The following UGT1A10 variants were observed in gnomAD, a reference collection of about 807,000 sequenced individuals.
UGT1A10 encodes UDP glucuronosyltransferase family 1 member A10, also known as UDP-glucuronosyltransferase 1A10.
A neutral mutation model predicts 45.8 loss-of-function variants in UGT1A10; 49 were observed. The observed-to-expected ratio is 1.07, with a 90% CI of 0.85 to 1.36. The LOEUF is 1.36. Ranked by LOEUF, UGT1A10 falls within the 40% of genes most tolerant of loss-of-function variation. The pLI, the probability that UGT1A10 is intolerant of heterozygous loss-of-function variation, is 0.00. For synonymous variants in UGT1A10, 284 were observed against 249.7 expected (o/e 1.14, Z -1.29); for missense variants, 745 against 668.6 (o/e 1.11, Z -1.26).
chr2:233,666,496 G>T (rs1304829652), intron 1 of UGT1A10, among the ~76,000 whole-genome samples: 1 of 151,926 alleles, frequency 6.6e-6, no homozygotes, highest in Non-Finnish European at 1.5e-5. Flanking sequence ...ACCTTCTTGG[G>T]TTATTCTCTG....
At chr2:233,718,693 G>A in intron 1 of UGT1A10, 3 of 1,590,692 alleles carry the variant, frequency 1.9e-6, no homozygotes. Context: ...ACTGGAGGAG[G>A]GCACTTTGTC....
At chr2:233,650,988 A>T (rs1317929807) in intron 1 of UGT1A10, among the ~76,000 whole-genome samples, 1 of 152,202 alleles carries the variant, frequency 6.6e-6, no homozygotes, top group Admixed American at 6.5e-5. Flanking sequence ...TGTCTCACAC[A>T]TCGGCAGCTG....
At chr2:233,713,179 T>G in intron 1 of UGT1A10, 1 of 1,614,174 alleles carries the variant, frequency 6.2e-7, no homozygotes, top group Middle Eastern at 1.6e-4. Flanking sequence ...GTCCTCACCC[T>G]GGAGGTGAAT....
At position 233,767,811 on chromosome 2, in the gene UGT1A10, G is replaced by C. The variant is rs887887266; in HGVS notation, c.988-38G>C. 1.2e-5 allele frequency: 19 copies of C among 1,614,006 alleles called. No individual in the cohort carries two copies. In the Admixed American group the frequency reaches 2.8e-4, roughly 24 times the overall value. On this transcript the variant is annotated intron_variant, in intron 2 of 4. Coordinates refer to ENST00000344644, the MANE Select transcript of UGT1A10 (RefSeq NM_019075.4). ...CAGATTTGTTTTCTAATCATATTAT[G>C]TTCTTTCTTTACGTTCTGCTCTTTT...
intron 1 of UGT1A10, among the ~76,000 whole-genome samples, chr2:233,737,855 A>G (rs577176217): frequency 2.6e-5 from 4 of 152,218 alleles, no homozygotes; most frequent in East Asian, 1.9e-4. Context: ...CACTCTTGCT[A>G]TGCCCCTTAA....
intron 1 of UGT1A10, among the ~76,000 whole-genome samples, chr2:233,687,872 CACTCCAG>C (rs1469681060): frequency 5.9e-5 from 9 of 152,200 alleles, no homozygotes; most frequent in African/African-American, 2.2e-4. Context: ...TATTCCACTC[CACTCCAG>C]CCTGGGTGAT....
At chr2:233,723,516 C>CTTTTTTTTTTTTTTTTTTTTTATTTTT (rs1162916866) in intron 1 of UGT1A10, among the ~76,000 whole-genome samples, 1 of 85,406 alleles carries the variant, frequency 1.2e-5, no homozygotes, top group Non-Finnish European at 2.3e-5. Flanking sequence ...GGTCAACAAT[C>CTTTTTTTTTTTTTTTTTTTTTATTTTT]TTTTTTTTTT....
At chr2:233,730,554 A>G (rs1442636181) in intron 1 of UGT1A10, among the ~76,000 whole-genome samples, 1 of 152,192 alleles carries the variant, frequency 6.6e-6, no homozygotes, top group Non-Finnish European at 1.5e-5. Context: ...CTGTGATTAG[A>G]GAATGACACA....
intron 1 of UGT1A10, among the ~76,000 whole-genome samples, chr2:233,661,680 T>TTTCTTTCTTTCTTTCC (rs2073972512): frequency 6.7e-6 from 1 of 149,242 alleles, no homozygotes; most frequent in Admixed American, 6.8e-5. Flanking sequence ...TCTTTCTTTC[T>TTTCTTTCTTTCTTTCC]TTTTAAACAA....
At chr2:233,718,660 T>C (rs2076672859) in intron 1 of UGT1A10, 2 of 1,533,748 alleles carry the variant, frequency 1.3e-6, no homozygotes, top group Admixed American at 3.9e-5. Flanking sequence ...GAAAGGCAGT[T>C]ATAGATTAAT....
intron 1 of UGT1A10, among the ~76,000 whole-genome samples, chr2:233,741,083 A>G (rs1400996057): frequency 6.6e-6 from 1 of 151,938 alleles, no homozygotes; most frequent in Non-Finnish European, 1.5e-5. Flanking sequence ...TGTCTTTAAA[A>G]CAAACAAGCA....
chr2:233,646,020 G>T (rs1385112121), intron 1 of UGT1A10, among the ~76,000 whole-genome samples: 1 of 152,198 alleles, frequency 6.6e-6, no homozygotes, highest in Non-Finnish European at 1.5e-5. Context: ...TATCCATACA[G>T]CCTCTGAAAT....
intron 1 of UGT1A10, among the ~76,000 whole-genome samples, chr2:233,757,676 T>A (rs986940319): frequency 2.0e-5 from 3 of 151,088 alleles, no homozygotes; most frequent in African/African-American, 7.3e-5. Flanking sequence ...ATTCAAGGAA[T>A]TCAAGGGATT....
At chr2:233,758,953 C>T (rs1697026708) in intron 1 of UGT1A10, among the ~76,000 whole-genome samples, 1 of 152,184 alleles carries the variant, frequency 6.6e-6, no homozygotes. Flanking sequence ...ATCAGAATTT[C>T]CCCAAATGCC....
chr2:233,719,731 A>G (rs906516699), intron 1 of UGT1A10: 3 of 1,613,372 alleles, frequency 1.9e-6, no homozygotes, highest in African/African-American at 2.7e-5. Flanking sequence ...CAGGCAAAAC[A>G]CTTTTTAAAA....
At chr2:233,768,516 G>T in intron 4 of UGT1A10, 77 bp downstream of exon 4, 22 of 1,549,322 alleles carry the variant, frequency 1.4e-5, no homozygotes, top group Non-Finnish European at 1.9e-5. Context: ...AAACATTTAC[G>T]TAGCATTTAA....
intron 1 of UGT1A10, among the ~76,000 whole-genome samples, chr2:233,707,245 T>C (rs1430790978): frequency 6.6e-6 from 1 of 152,158 alleles, no homozygotes. Flanking sequence ...ATTTCTCTTG[T>C]GTTTTTCTTC....
Position 233,678,025 on chromosome 2 carries a change from G to T in UGT1A10, c.855+40648G>T, listed in dbSNP as rs4663877. The stretch of plus-strand genomic sequence containing the variant: ...AAATCATGTCCTTTGTAACAACATG[G>T]ATGCAGCTGGAGGTCATTACCCTAA... On this transcript the variant is annotated intron_variant, in intron 1 of 4. Transcript: ENST00000344644. 2.6e-5 allele frequency among the ~76,000 whole-genome samples: 4 copies of T among 152,136 alleles called. No individual in the cohort carries two copies. In the South Asian group the frequency reaches 8.3e-4, roughly 32 times the overall value.
intron 1 of UGT1A10, among the ~76,000 whole-genome samples, chr2:233,726,510 G>T (rs558172784): frequency 5.9e-4 from 89 of 152,028 alleles, no homozygotes; most frequent in Middle Eastern, 3.4e-3. Context: ...GAATTTCATG[G>T]TACTTTTCCA....
Sources: gnomAD v4.1 joint callset for allele counts (sites outside exome capture counted in the v4.1 genomes callset) on GRCh38, gnomAD v4.1.1 for gene constraint, MANE v1.5 for transcripts, NCBI Gene and HGNC (gene_info 2026-07-23, HGNC 2026-07-21) for gene names.